FILIP1L: variants seen among roughly 807,000 people sequenced by gnomAD.
The protein encoded by FILIP1L is filamin A interacting protein 1 like.
In FILIP1L, 55 loss-of-function variants were observed where a neutral mutation model predicts 96.6. The ratio of observed to expected loss-of-function variants is 0.57; its 90% confidence interval spans 0.46 to 0.71. FILIP1L has a LOEUF of 0.71. Among genes scored for constraint, FILIP1L ranks in the 30% least tolerant of loss-of-function variants. The probability of loss-of-function intolerance (pLI) is 0.00; values close to 1 mark genes in which losing one functional copy is unlikely to be tolerated. For synonymous variants in FILIP1L, 467 were observed against 473.9 expected, an observed-to-expected ratio of 0.99 and a Z score of 0.19; for missense variants, 1,304 against 1,321.2, an observed-to-expected ratio of 0.99 and a Z score of 0.20.
At chr3:100,073,405 A>G (rs1370978487) in intron 1 of FILIP1L, among the ~76,000 whole-genome samples, 1 of 152,222 alleles carries the variant, frequency 6.6e-6, no homozygotes, top group Non-Finnish European at 1.5e-5. Context: ...CTGTCCTGTC[A>G]TGAAAGTATA....
intron 4 of FILIP1L, among the ~76,000 whole-genome samples, chr3:99,893,353 G>A (rs1019658384): frequency 1.3e-5 from 2 of 151,964 alleles, no homozygotes; most frequent in Non-Finnish European, 1.5e-5. Flanking sequence ...TTTTAGTGGA[G>A]ACGGGGTTTC....
At chr3:100,095,638 A>C (rs1248193218) in intron 1 of FILIP1L, among the ~76,000 whole-genome samples, 1 of 152,172 alleles carries the variant, frequency 6.6e-6, no homozygotes, top group Non-Finnish European at 1.5e-5. Context: ...TTAAAGACTT[A>C]AATATATAAG....
intron 4 of FILIP1L, among the ~76,000 whole-genome samples, chr3:99,864,964 T>A (rs1338766596): frequency 6.6e-6 from 1 of 152,212 alleles, no homozygotes; most frequent in African/African-American, 2.4e-5. Context: ...CTATTTTGTT[T>A]AATACTATAT....
At chr3:99,977,391 C>G (rs1197619900) in intron 1 of FILIP1L, among the ~76,000 whole-genome samples, 1 of 152,008 alleles carries the variant, frequency 6.6e-6, no homozygotes, top group East Asian at 1.9e-4. Context: ...AGCAGGGAAA[C>G]AAAGTAAGAG....
chr3:99,948,027 G>A (rs967523288), intron 1 of FILIP1L, among the ~76,000 whole-genome samples: 2 of 150,988 alleles, frequency 1.3e-5, no homozygotes, highest in Non-Finnish European at 1.5e-5. Flanking sequence ...CAATGGTGGT[G>A]GTAAGATAAT....
chr3:99,858,690 G>A (rs1236368596), intron 4 of FILIP1L, among the ~76,000 whole-genome samples: 4 of 152,082 alleles, frequency 2.6e-5, no homozygotes, highest in East Asian at 1.9e-4. Context: ...ATCATCACAC[G>A]TCATGGAGCC....
In FILIP1L at chr3:99,978,586, G is replaced by C. The variant is rs141616791; in HGVS notation, c.-10-47556C>G. Among the ~76,000 whole-genome samples, 624 of 152,280 alleles carry C rather than the reference G, an allele frequency of 4.1e-3. 4 individuals carry two copies. Among genetic ancestry groups the C allele is most frequent in the Non-Finnish European group, 6.5e-3 (441 of 68,018 alleles). ...TCATTCATATGTGGAAGCTAAAAAA[G>C]TCGATCTCATAGAAGTAGGGAGTAG... On this transcript the variant is annotated intron_variant, in intron 1 of 5. Transcript: ENST00000477258.
intron 1 of FILIP1L, among the ~76,000 whole-genome samples, chr3:100,082,228 T>C (rs2065943896): frequency 1.3e-5 from 2 of 152,234 alleles, no homozygotes; most frequent in African/African-American, 4.8e-5. Flanking sequence ...GTGTGCTGCA[T>C]AGAATTCATA....
intron 3 of FILIP1L, among the ~76,000 whole-genome samples, chr3:99,927,958 TAAG>T (rs1447672491): frequency 2.0e-5 from 3 of 152,176 alleles, no homozygotes; most frequent in African/African-American, 7.2e-5. Flanking sequence ...TATTTTGCCT[TAAG>T]AATTAGATAA....
intron 1 of FILIP1L, among the ~76,000 whole-genome samples, chr3:99,975,752 C>A (rs1708951110): frequency 6.6e-6 from 1 of 152,144 alleles, no homozygotes; most frequent in South Asian, 2.1e-4. Context: ...ATATCAAGGT[C>A]ATTCTAATAG....
intron 5 of FILIP1L, among the ~76,000 whole-genome samples, chr3:99,840,170 G>A (rs1218009324): frequency 6.6e-6 from 1 of 151,610 alleles, no homozygotes; most frequent in Non-Finnish European, 1.5e-5. Context: ...AAAGAATAAT[G>A]GGGAGAAAAA....
At chr3:100,052,064 CAT>C (rs901386254) in intron 1 of FILIP1L, among the ~76,000 whole-genome samples, 4 of 151,996 alleles carry the variant, frequency 2.6e-5, no homozygotes, top group Admixed American at 2.6e-4. Context: ...ATTATTATGT[CAT>C]ATGTGTTATT....
intron 4 of FILIP1L, among the ~76,000 whole-genome samples, chr3:99,853,328 C>G (rs956384842): frequency 5.9e-5 from 9 of 152,196 alleles, no homozygotes; most frequent in African/African-American, 1.7e-4. Flanking sequence ...ACAGTTCTTA[C>G]AGTTTTATTA....
At position 99,850,591 on chromosome 3, in the gene FILIP1L, T is replaced by C. The variant is rs1439472349; in HGVS notation, c.1085A>G (p.Glu362Gly). ...QDIKEKISKG[E>G]YGNAGIMAEV... ...AGCCATGATACCAGCGTTTCCATAT[T>C]CTCCCTTACTGATTTTTTCTTTTAT... The change falls in exon 5 of 6, where the codon GAA becomes GGA. Residue 362 changes from glutamate to glycine, a missense_variant. Coordinates refer to ENST00000477258, the MANE Select transcript of FILIP1L (RefSeq NM_001387850.1). The C allele has an allele frequency of 6.2e-7, 1 of 1,613,708 alleles. No homozygotes were observed. Among genetic ancestry groups the C allele is most frequent in the Non-Finnish European group, 8.5e-7 (1 of 1,180,018 alleles).
chr3:99,991,341 C>T (rs956173332), intron 1 of FILIP1L, among the ~76,000 whole-genome samples: 4 of 152,048 alleles, frequency 2.6e-5, no homozygotes, highest in African/African-American at 4.8e-5. Flanking sequence ...CAGTGAATGT[C>T]GCTGGTGAGG....
intron 1 of FILIP1L, among the ~76,000 whole-genome samples, chr3:100,008,940 T>C (rs1013812024): frequency 4.6e-5 from 7 of 152,210 alleles, no homozygotes; most frequent in Non-Finnish European, 2.9e-5. Context: ...CCTATAAATA[T>C]AGGAAAGAAA....
At chr3:99,896,375 T>C (rs1269457811) in intron 4 of FILIP1L, among the ~76,000 whole-genome samples, 2 of 152,064 alleles carry the variant, frequency 1.3e-5, no homozygotes, top group Admixed American at 6.5e-5. Context: ...GGCTGTTTCA[T>C]TTTAAACAGT....
At chr3:99,890,563 GACTATATTC>G (rs1706051924) in intron 4 of FILIP1L, among the ~76,000 whole-genome samples, 1 of 151,994 alleles carries the variant, frequency 6.6e-6, no homozygotes, top group Non-Finnish European at 1.5e-5. Context: ...TGGCTTTCCA[GACTATATTC>G]TGTGCAATTT....
At chr3:100,103,282 A>G (rs1267351275) in intron 1 of FILIP1L, among the ~76,000 whole-genome samples, 2 of 152,230 alleles carry the variant, frequency 1.3e-5, no homozygotes, top group African/African-American at 4.8e-5. Flanking sequence ...TGAGACAGCA[A>G]GAGTCAGCCA....
Sources: allele counts gnomAD v4.1 joint callset (sites outside exome capture counted in the v4.1 genomes callset), GRCh38; gene constraint gnomAD v4.1.1; transcripts MANE v1.5; gene names NCBI Gene and HGNC (gene_info 2026-07-23, HGNC 2026-07-21).